The following HMCN1 variants were observed in gnomAD, a reference collection of about 807,000 sequenced individuals.
HMCN1 encodes hemicentin-1.
A neutral mutation model predicts 625.9 loss-of-function variants in HMCN1; 321 were observed. The observed-to-expected ratio is 0.51, with a 90% CI of 0.47 to 0.56. The LOEUF (loss-of-function observed/expected upper bound fraction) is 0.56. Ranked by LOEUF, HMCN1 falls within the 20% of genes least tolerant of loss-of-function variation. HMCN1 has a pLI of 0.00. For missense variants in HMCN1, 6,588 were observed against 6,887.3 expected, an observed-to-expected ratio of 0.96 and a Z score of 1.54; for synonymous variants, 2,425 against 2,417.6, an observed-to-expected ratio of 1.00 and a Z score of -0.09.
chr1:185,935,451 T>G (rs1667764389), intron 11 of HMCN1, among the ~76,000 whole-genome samples: 1 of 152,170 alleles, frequency 6.6e-6, no homozygotes. Flanking sequence ...ACATCCATCC[T>G]GCAGAATGAA....
chr1:185,765,207 A>G (rs952673213), intron 1 of HMCN1, among the ~76,000 whole-genome samples: 3 of 152,214 alleles, frequency 2.0e-5, no homozygotes, highest in Non-Finnish European at 4.4e-5. Context: ...GGAATAAGCC[A>G]TAGAGTAAAG....
chr1:186,130,923 TACTA>T lies in HMCN1; in HGVS notation c.13230+228_13230+231del, dbSNP rs552460169. Among the ~76,000 whole-genome samples, 35 of 152,326 alleles carry T rather than the reference TACTA, an allele frequency of 2.3e-4. No individual in the cohort carries two copies. The South Asian group carries it at 7.0e-3, about 31-fold the overall frequency. On this transcript the variant is annotated intron_variant, in intron 85 of 106. Coordinates refer to ENST00000271588, the MANE Select transcript of HMCN1 (RefSeq NM_031935.3). ...GCTGCCTTGTTCCTTATCATTGACT[TACTA>T]ATTAACATTTGGAGATAACTTCCTC...
At chr1:186,080,747 G>A (rs985305028) in intron 55 of HMCN1, among the ~76,000 whole-genome samples, 9 of 152,044 alleles carry the variant, frequency 5.9e-5, no homozygotes, top group Admixed American at 4.6e-4. Flanking sequence ...AATCACCCAG[G>A]CAATTCCTTT....
At chr1:186,099,497 A>G (rs953147957) in intron 68 of HMCN1, among the ~76,000 whole-genome samples, 3 of 152,110 alleles carry the variant, frequency 2.0e-5, no homozygotes, top group African/African-American at 4.8e-5. Flanking sequence ...TCATTTAACT[A>G]TAATTATGAA....
At chr1:185,793,044 C>CT (rs1432219051) in intron 1 of HMCN1, among the ~76,000 whole-genome samples, 1 of 151,966 alleles carries the variant, frequency 6.6e-6, no homozygotes, top group Non-Finnish European at 1.5e-5. Context: ...GCTTCAACAC[C>CT]TTTTTTCTTG....
chr1:185,799,506 G>A (rs971441322), intron 1 of HMCN1, among the ~76,000 whole-genome samples: 1 of 152,150 alleles, frequency 6.6e-6, no homozygotes, highest in African/African-American at 2.4e-5. Context: ...CCCTGATTGT[G>A]GGGGGAGTGG....
intron 1 of HMCN1, among the ~76,000 whole-genome samples, chr1:185,738,240 C>T (rs1193192677): frequency 6.6e-6 from 1 of 152,180 alleles, no homozygotes; most frequent in Non-Finnish European, 1.5e-5. Context: ...AATGTTGCCA[C>T]AGTCCATTGT....
chr1:186,085,324 A>G (rs1294559558), intron 57 of HMCN1, among the ~76,000 whole-genome samples: 1 of 152,126 alleles, frequency 6.6e-6, no homozygotes, highest in African/African-American at 2.4e-5. Flanking sequence ...TCCAAGATCA[A>G]GGTGCTGGCA....
chr1:186,132,236 GA>G (rs1047734840), intron 85 of HMCN1, 91 bp from the exon 86 acceptor site: 1 of 874,164 alleles, frequency 1.1e-6, no homozygotes, highest in Non-Finnish European at 1.9e-6. Flanking sequence ...TCTCAAAAAT[GA>G]AATTTCAAAT....
intron 11 of HMCN1, among the ~76,000 whole-genome samples, chr1:185,944,175 A>T (rs1264050115): frequency 6.6e-6 from 1 of 152,198 alleles, no homozygotes; most frequent in Non-Finnish European, 1.5e-5. Context: ...AAAAAAAAGA[A>T]AATAAATGAA....
chr1:185,786,479 A>G (rs1657577498), intron 1 of HMCN1, among the ~76,000 whole-genome samples: 2 of 152,144 alleles, frequency 1.3e-5, no homozygotes, highest in Non-Finnish European at 2.9e-5. Flanking sequence ...TTTGGATTCA[A>G]ATTGGCATCT....
chr1:186,050,165 A>AG (rs1571778827), intron 42 of HMCN1, among the ~76,000 whole-genome samples: 1 of 151,642 alleles, frequency 6.6e-6, no homozygotes, highest in Non-Finnish European at 1.5e-5. Flanking sequence ...AGTAAAGATG[A>AG]GAAAAAAAAG....
Position 186,153,966 on chromosome 1 carries a change from A to T in HMCN1, c.15235A>T (p.Ile5079Phe). 1 of 1,613,238 alleles carries T rather than the reference A, an allele frequency of 6.2e-7. No homozygotes were observed. The highest frequency in any genetic ancestry group is 8.5e-7 in the Non-Finnish European group (1 of 1,179,186). The change falls in exon 97 of 107, where the codon ATT becomes TTT. Residue 5079 changes from isoleucine to phenylalanine, a missense_variant. This residue lies in a region of HMCN1 where 1,954 missense variants were observed against 2,013.1 expected (regional missense o/e 0.97). Transcript: ENST00000271588. ...GATAGAAGAGACACTGGGTTTTAAA[A>T]TTCATGCTTCAATATCCAAAGGTAA... ...NQIEETLGFKIHASISKGDRS... is the reference protein window; with the variant it reads ...NQIEETLGFKFHASISKGDRS...
intron 48 of HMCN1, among the ~76,000 whole-genome samples, chr1:186,063,058 G>A (rs1228739403): frequency 5.3e-4 from 49 of 92,746 alleles, no homozygotes; most frequent in African/African-American, 2.4e-3. Context: ...GTGTGTGTGT[G>A]TGTGTGTGCA....
chr1:185,906,245 C>T (rs2102444190), intron 4 of HMCN1, among the ~76,000 whole-genome samples: 1 of 151,870 alleles, frequency 6.6e-6, no homozygotes, highest in Non-Finnish European at 1.5e-5. Context: ...TTTTCTAATA[C>T]AACGAGTTGC....
intron 4 of HMCN1, among the ~76,000 whole-genome samples, chr1:185,893,980 A>G (rs73058221): frequency 0.041 from 6,205 of 152,068 alleles, 454 homozygotes; most frequent in African/African-American, 0.14. Context: ...CATAGATTAC[A>G]AAAAATTAGC....
In HMCN1 at chr1:186,030,310, T is replaced by C. The variant is rs79343613; in HGVS notation, c.5749+7157T>C. On this transcript the variant is annotated intron_variant, in intron 36 of 106. Coordinates refer to ENST00000271588, the MANE Select transcript of HMCN1 (RefSeq NM_031935.3). ...TCGAAGTCTCTTAACTTTTATAGTT[T>C]TATTGTCTATTTCTCCCTTTGAGTT... is the stretch of plus-strand genomic sequence containing the variant. Among the ~76,000 whole-genome samples the C allele has an allele frequency of 2.0e-3, 304 of 152,238 alleles. 3 individuals are homozygous for C. Among genetic ancestry groups the C allele is most frequent in the African/African-American group, 7.1e-3 (294 of 41,580 alleles).
intron 4 of HMCN1, among the ~76,000 whole-genome samples, chr1:185,899,264 A>G (rs756142226): frequency 6.6e-6 from 1 of 152,160 alleles, no homozygotes; most frequent in Non-Finnish European, 1.5e-5. Context: ...GGTGAAGTTG[A>G]AAGTTTTGAA....
chr1:185,791,392 G>C (rs1657981576), intron 1 of HMCN1, among the ~76,000 whole-genome samples: 1 of 152,160 alleles, frequency 6.6e-6, no homozygotes, highest in Non-Finnish European at 1.5e-5. Context: ...GTAGAGTGAT[G>C]TGGGTTACAC....
Sources: gnomAD v4.1 joint callset for allele counts (sites outside exome capture counted in the v4.1 genomes callset) on GRCh38, gnomAD v4.1.1 for gene constraint, gnomAD v4.1.1 regional missense constraint, MANE v1.5 for transcripts, NCBI Gene and HGNC (gene_info 2026-07-23, HGNC 2026-07-21) for gene names.